BAG3: variants seen among roughly 807,000 people sequenced by gnomAD.
BAG3 encodes BAG cochaperone 3, also known as BAG family molecular chaperone regulator 3.
BAG3 carries 14 observed loss-of-function variants against 40.5 expected under a neutral mutation model. The observed-to-expected ratio is 0.35, with a 90% CI of 0.23 to 0.54. BAG3 has a LOEUF of 0.54. BAG3 is among the 20% of genes least tolerant of loss of function. BAG3 has a pLI of 0.91. For missense variants in BAG3, 788 were observed against 758.6 expected (o/e 1.04, Z -0.46); for synonymous variants, 302 against 307.8 (o/e 0.98, Z 0.20).
At chr10:119,653,210 T>C (rs536291073) in intron 1 of BAG3, among the ~76,000 whole-genome samples, 3 of 152,368 alleles carry the variant, frequency 2.0e-5, no homozygotes, top group Non-Finnish European at 4.4e-5. Context: ...ATATTTATTC[T>C]TGAAAATTAG....
At chr10:119,651,987 C>A (rs922576649) in intron 1 of BAG3, 132 bp downstream of exon 1, 34 of 722,734 alleles carry the variant, frequency 4.7e-5, no homozygotes, top group South Asian at 6.7e-5. Context: ...GGGCGGACAC[C>A]GGCTCCGCGC....
chr10:119,676,995 A>G lies in BAG3; in HGVS notation c.1441A>G (p.Arg481Gly). 6.2e-7 allele frequency: 1 copy of G among 1,614,214 alleles called. No individual in the cohort carries two copies. The highest frequency in any genetic ancestry group is 8.5e-7 in the Non-Finnish European group (1 of 1,180,034). ...EGRADVRQAR[R>G]DGVRKVQTIL... ...ACGAGCCGATGTGCGTCAGGCCAGG[A>G]GAGACGGTGTCAGGAAGGTTCAGAC... The change falls in exon 4 of 4, where the codon AGA becomes GGA. Residue 481 changes from arginine (R) to glycine (G), a missense_variant. By Grantham distance (125) the Arg-to-Gly change is moderately radical. Transcript: ENST00000369085.
chr10:119,673,778 C>T (rs1382459240), intron 3 of BAG3, among the ~76,000 whole-genome samples: 2 of 152,230 alleles, frequency 1.3e-5, no homozygotes, highest in Non-Finnish European at 2.9e-5. Context: ...ATACTTCATC[C>T]AGTTCACTGT....
chr10:119,654,548 C>T (rs144139552), intron 1 of BAG3, among the ~76,000 whole-genome samples: 165 of 152,354 alleles, frequency 1.1e-3, no homozygotes, highest in African/African-American at 2.7e-3. Context: ...AGGGGCAGAG[C>T]GAAAGCAAGT....
intron 1 of BAG3, chr10:119,656,810 A>G (rs529480765): frequency 6.6e-6 from 1 of 152,180 alleles, no homozygotes; most frequent in South Asian, 2.1e-4. Flanking sequence ...TATATGTGCC[A>G]GATATGAGTG....
In BAG3 at chr10:119,655,069, G is replaced by C. The variant is rs949013236; in HGVS notation, c.180+3214G>C. 3.9e-5 allele frequency among the ~76,000 whole-genome samples: 6 copies of C among 152,268 alleles called. No individual in the cohort carries two copies. In the South Asian group the frequency reaches 6.2e-4, roughly 16 times the overall value. ...TGGTTCTGATTCTGCTGCACTGGCA[G>C]TGGGAGCCACGGATGGCCAGTGATC... On this transcript the variant is annotated intron_variant, in intron 1 of 3. Transcript: ENST00000369085.
At chr10:119,669,799 G>T in intron 1 of BAG3, 52 bp from the exon 2 acceptor site, 1 of 1,548,594 alleles carries the variant, frequency 6.5e-7, no homozygotes, top group Non-Finnish European at 8.9e-7. Flanking sequence ...CTGCCAGGAG[G>T]GTTCACTTCC....
chr10:119,657,405 A>G, intron 1 of BAG3: 3 of 386,090 alleles, frequency 7.8e-6, no homozygotes, highest in Non-Finnish European at 1.6e-5. Context: ...CACCCCTGTT[A>G]GGAGTTCTGG....
At chr10:119,664,822 C>A (rs977579331) in intron 1 of BAG3, among the ~76,000 whole-genome samples, 1 of 151,992 alleles carries the variant, frequency 6.6e-6, no homozygotes, top group Non-Finnish European at 1.5e-5. Flanking sequence ...TCTTTTGATT[C>A]TTTTATTTAC....
At chr10:119,665,675 G>A (rs1374801837) in intron 1 of BAG3, among the ~76,000 whole-genome samples, 6 of 152,114 alleles carry the variant, frequency 3.9e-5, no homozygotes, top group Non-Finnish European at 5.9e-5. Context: ...CAGCATTCCT[G>A]GCATAGACCT....
rs1452240685 is a variant in BAG3 at position 119,676,955 on chromosome 10, A to C, written c.1401A>C (p.Ser467=). ...YLTKELLALD[S]VDPEGRADVR... ...CCAAAGAGCTGCTGGCCCTGGATTC[A>C]GTGGACCCCGAGGGACGAGCCGATG... The change falls in exon 4 of 4, where the codon TCA becomes TCC. Residue 467 remains serine (S), a synonymous_variant. Coordinates refer to ENST00000369085, the MANE Select transcript of BAG3 (RefSeq NM_004281.4). 6.2e-7 allele frequency: 1 copy of C among 1,614,108 alleles called. No individual in the cohort carries two copies. The highest frequency in any genetic ancestry group is 1.3e-5 in the African/African-American group (1 of 74,942).
At position 119,672,354 on chromosome 10, in the gene BAG3, C is replaced by T. The variant is rs1047671466; in HGVS notation, c.607C>T (p.Arg203Trp). ...CAGCCTGGGCAGTCACCAGCTCCCG[C>T]GGGGGTACATCTCCATTCCGGTGAT... ...RSSLGSHQLPRGYISIPVIHE... is the reference protein window; with the variant it reads ...RSSLGSHQLPWGYISIPVIHE... Residue 203 changes from arginine to tryptophan, a missense_variant, in exon 3 of 4, where the codon CGG (arginine) becomes TGG (tryptophan). Coordinates refer to ENST00000369085, the MANE Select transcript of BAG3 (RefSeq NM_004281.4). This position sits in a 1 kb window ranked among gnomAD's most constrained non-coding sequence, Gnocchi z 4.8. The T allele has an allele frequency of 7.4e-6, 12 of 1,614,086 alleles. No individual in the cohort carries two copies. Among genetic ancestry groups the T allele is most frequent in the Admixed American group, 5.0e-5 (3 of 60,018 alleles).
intron 1 of BAG3, among the ~76,000 whole-genome samples, chr10:119,660,948 C>T (rs539166671): frequency 1.3e-5 from 2 of 152,110 alleles, no homozygotes; most frequent in Non-Finnish European, 2.9e-5. Flanking sequence ...ACAAAATTAG[C>T]TGGGTGTGGT....
intron 1 of BAG3, chr10:119,657,609 A>G (rs557801003): frequency 6.4e-6 from 3 of 471,054 alleles, no homozygotes; most frequent in African/African-American, 4.0e-5. Flanking sequence ...TAAGAACTGC[A>G]GAGTTGTCCT....
At chr10:119,663,078 C>G (rs1283116839) in intron 1 of BAG3, among the ~76,000 whole-genome samples, 1 of 152,104 alleles carries the variant, frequency 6.6e-6, no homozygotes, top group Non-Finnish European at 1.5e-5. Flanking sequence ...ACAGAAGGTG[C>G]CCATTTTCGG....
At chr10:119,670,896 C>T (rs886788997) in intron 2 of BAG3, among the ~76,000 whole-genome samples, 8 of 152,180 alleles carry the variant, frequency 5.3e-5, no homozygotes, top group African/African-American at 1.7e-4. Context: ...TGCACATCAT[C>T]CTGTGGTGTG....
Position 119,676,771 on chromosome 10 carries a change from C to G in BAG3, c.1217C>G (p.Thr406Arg). Residue 406 changes from threonine to arginine, a missense_variant, in exon 4 of 4, where the codon ACA becomes AGA. Thr to Arg is a moderately conservative substitution (Grantham distance 71). Transcript: ENST00000369085. ...AAPSTAPAEA[T>R]PPKPGEAEAP... Reference sequence around the variant, plus strand: ...CCCAGCACTGCCCCTGCAGAAGCTACACCTCCAAAACCAGGAGAAGCCGAG... The same window carrying G: ...CCCAGCACTGCCCCTGCAGAAGCTAGACCTCCAAAACCAGGAGAAGCCGAG... 6.2e-7 allele frequency: 1 copy of G among 1,614,196 alleles called. No individual in the cohort carries two copies. Among genetic ancestry groups the G allele is most frequent in the Non-Finnish European group, 8.5e-7 (1 of 1,180,048 alleles).
chr10:119,670,243 A>G (rs1847130591), intron 2 of BAG3, 66 bp downstream of exon 2: 2 of 1,528,864 alleles, frequency 1.3e-6, no homozygotes, highest in African/African-American at 1.4e-5. Flanking sequence ...GGCCGGGCCC[A>G]TCCCCTCAGG....
At chr10:119,663,560 C>T (rs1054860530) in intron 1 of BAG3, among the ~76,000 whole-genome samples, 10 of 152,108 alleles carry the variant, frequency 6.6e-5, no homozygotes, top group Non-Finnish European at 1.3e-4. Context: ...ATGATCCACC[C>T]GCCTCGGCCT....
Sources: allele counts gnomAD v4.1 joint callset (sites outside exome capture counted in the v4.1 genomes callset), GRCh38; gene constraint gnomAD v4.1.1; non-coding constraint Gnocchi (gnomAD v3.1); transcripts MANE v1.5; gene names NCBI Gene and HGNC (gene_info 2026-07-23, HGNC 2026-07-21).